Variants in SYT1 observed in about 807,000 individuals in gnomAD.
The protein encoded by SYT1 is synaptotagmin 1.
SYT1 carries 8 observed loss-of-function variants against 44.8 expected under a neutral mutation model. The observed-to-expected ratio is 0.18, with a 90% CI of 0.10 to 0.32. The LOEUF (loss-of-function observed/expected upper bound fraction) is 0.32. Among genes scored for constraint, SYT1 ranks in the 10% least tolerant of loss-of-function variants. The probability of loss-of-function intolerance (pLI) is 1.00; values close to 1 mark genes in which losing one functional copy is unlikely to be tolerated. For missense variants in SYT1, 286 were observed against 509.3 expected, an observed-to-expected ratio of 0.56 and a Z score of 4.22; for synonymous variants, 154 against 188.8, an observed-to-expected ratio of 0.82 and a Z score of 1.51.
At chr12:79,420,918 C>T (rs933391175) in intron 9 of SYT1, among the ~76,000 whole-genome samples, 1 of 152,068 alleles carries the variant, frequency 6.6e-6, no homozygotes, top group African/African-American at 2.4e-5. Context: ...AGAACATCTC[C>T]TAGAATTTCT....
At chr12:78,986,441 T>A (rs1044711927) in intron 2 of SYT1, among the ~76,000 whole-genome samples, 2 of 151,942 alleles carry the variant, frequency 1.3e-5, no homozygotes, top group Non-Finnish European at 2.9e-5. Context: ...ATTTTTGCAG[T>A]GTTTTAGCTA....
intron 4 of SYT1, among the ~76,000 whole-genome samples, chr12:79,224,105 C>G (rs748330210): frequency 6.6e-6 from 1 of 152,136 alleles, no homozygotes; most frequent in Non-Finnish European, 1.5e-5. Flanking sequence ...GCTGTTCAAA[C>G]TTATGATTTT....
chr12:79,298,200 G>A (rs1363023956), intron 7 of SYT1, among the ~76,000 whole-genome samples: 1 of 151,996 alleles, frequency 6.6e-6, no homozygotes, highest in African/African-American at 2.4e-5. Flanking sequence ...ACATTTTCAA[G>A]GGTTTATCCT....
intron 1 of SYT1, among the ~76,000 whole-genome samples, chr12:78,940,036 C>A (rs956957805): frequency 1.3e-5 from 2 of 152,224 alleles, no homozygotes; most frequent in South Asian, 4.1e-4. Context: ...ATATACATAA[C>A]TCTATAGTAA....
At chr12:78,988,020 T>C (rs186133946) in intron 2 of SYT1, among the ~76,000 whole-genome samples, 1 of 152,268 alleles carries the variant, frequency 6.6e-6, no homozygotes, top group East Asian at 1.9e-4. Flanking sequence ...AAACCATTTA[T>C]TCATTCAACC....
chr12:79,418,588 T>C (rs1868902436), intron 9 of SYT1, among the ~76,000 whole-genome samples: 1 of 152,132 alleles, frequency 6.6e-6, no homozygotes, highest in Non-Finnish European at 1.5e-5. Context: ...CCAAAACACC[T>C]GGCCTTGCAC....
chr12:79,336,885 C>T (rs1565914389), intron 8 of SYT1, among the ~76,000 whole-genome samples: 2 of 151,840 alleles, frequency 1.3e-5, no homozygotes, highest in Non-Finnish European at 2.9e-5. Context: ...TTTTGTTGCA[C>T]AGGCTGGTCT....
intron 8 of SYT1, among the ~76,000 whole-genome samples, chr12:79,320,422 T>A (rs1267004890): frequency 6.6e-6 from 1 of 152,172 alleles, no homozygotes; most frequent in Non-Finnish European, 1.5e-5. Context: ...TGCCTTGAGG[T>A]TTTTATGTCA....
chr12:79,446,034 T>TATATATATATGTATATATATATA (rs1491131045), intron 10 of SYT1, among the ~76,000 whole-genome samples: 2 of 115,540 alleles, frequency 1.7e-5, no homozygotes, highest in African/African-American at 6.8e-5. Context: ...TATATATATA[T>TATATATATATGTATATATATATA]TATGCCTAGG....
chr12:79,145,326 A>C (rs1869810536), intron 3 of SYT1, among the ~76,000 whole-genome samples: 1 of 152,146 alleles, frequency 6.6e-6, no homozygotes, highest in South Asian at 2.1e-4. Context: ...AACATTTTTA[A>C]AAAATATGAA....
chr12:79,017,174 G>A (rs1871863267), intron 2 of SYT1, among the ~76,000 whole-genome samples: 1 of 152,130 alleles, frequency 6.6e-6, no homozygotes. Flanking sequence ...ATGATAGGTA[G>A]ATATTCACTT....
intron 2 of SYT1, among the ~76,000 whole-genome samples, chr12:79,026,664 A>ATT (rs1309697584): frequency 0.052 from 4,244 of 82,328 alleles, 129 homozygotes; most frequent in South Asian, 0.1. Flanking sequence ...ATACATATAT[A>ATT]TTTTATATAT....
At chr12:79,291,797 C>T (rs1409662293) in intron 5 of SYT1, 6 of 676,428 alleles carry the variant, frequency 8.9e-6, no homozygotes, top group African/African-American at 5.3e-5. Context: ...CCATCGCTTC[C>T]ATTTTGCTTG....
chr12:79,178,328 A>T (rs77753512), intron 3 of SYT1, among the ~76,000 whole-genome samples: 4 of 151,628 alleles, frequency 2.6e-5, no homozygotes, highest in South Asian at 4.2e-4. Flanking sequence ...TTTTATTTCA[A>T]TTTTTTTGTA....
intron 4 of SYT1, among the ~76,000 whole-genome samples, chr12:79,237,806 T>C (rs571433201): frequency 2.0e-5 from 3 of 152,342 alleles, no homozygotes; most frequent in African/African-American, 7.2e-5. Flanking sequence ...CATCTGTATA[T>C]TGAATTATAA....
intron 3 of SYT1, among the ~76,000 whole-genome samples, chr12:79,192,494 G>A (rs895606388): frequency 6.6e-6 from 1 of 152,100 alleles, no homozygotes; most frequent in African/African-American, 2.4e-5. Context: ...GGGGAATACT[G>A]ATGAGGATGA....
chr12:78,922,558 T>C (rs1877067648), intron 1 of SYT1, among the ~76,000 whole-genome samples: 1 of 151,942 alleles, frequency 6.6e-6, no homozygotes, highest in South Asian at 2.1e-4. Flanking sequence ...TAAATGCTAA[T>C]TGTTTTAAAG....
At chr12:79,404,794 G>A (rs141273893) in intron 9 of SYT1, among the ~76,000 whole-genome samples, 6 of 152,228 alleles carry the variant, frequency 3.9e-5, no homozygotes, top group Non-Finnish European at 2.9e-5. Context: ...GTTTATTTGC[G>A]GAGCCTAATT....
intron 8 of SYT1, among the ~76,000 whole-genome samples, chr12:79,313,859 C>T (rs537072797): frequency 2.0e-5 from 3 of 151,886 alleles, no homozygotes; most frequent in Non-Finnish European, 4.4e-5. Flanking sequence ...TACTTGGCAC[C>T]AGAGAAGCTC....
Sources: allele counts gnomAD v4.1 joint callset (sites outside exome capture counted in the v4.1 genomes callset), GRCh38; gene constraint gnomAD v4.1.1; transcripts MANE v1.5; gene names NCBI Gene and HGNC (gene_info 2026-07-23, HGNC 2026-07-21).